IQSEC1: variants seen among roughly 807,000 people sequenced by gnomAD.
IQSEC1 encodes IQ motif and SEC7 domain-containing protein 1.
Under a neutral mutation model 91.0 loss-of-function variants are expected in IQSEC1, and 31 were observed. That is an observed-to-expected ratio of 0.34 (90% CI 0.26 to 0.46). IQSEC1 has a LOEUF of 0.46. Ranked by LOEUF, IQSEC1 falls within the 20% of genes least tolerant of loss-of-function variation. The probability of loss-of-function intolerance (pLI) is 1.00; values close to 1 mark genes in which losing one functional copy is unlikely to be tolerated. For missense variants in IQSEC1, 1,388 were observed against 1,575.6 expected (o/e 0.88, Z 2.02); for synonymous variants, 699 against 662.6 (o/e 1.05, Z -0.84).
intron 1 of IQSEC1, among the ~76,000 whole-genome samples, chr3:13,044,594 G>A (rs1003974071): frequency 1.3e-5 from 2 of 152,234 alleles, no homozygotes; most frequent in African/African-American, 2.4e-5. Context: ...CTGGGGGCAG[G>A]CAGGGGAGAG....
chr3:13,170,130 AGGGAC>A, intron 1 of IQSEC1, among the ~76,000 whole-genome samples: 1 of 152,316 alleles, frequency 6.6e-6, no homozygotes, highest in East Asian at 1.9e-4. Context: ...TGTGCAGCCT[AGGGAC>A]TTGGTGCTCT....
At position 12,936,335 on chromosome 3, in the gene IQSEC1, G is replaced by A. The variant is rs536582340; in HGVS notation, c.681C>T (p.Asp227=). ...GTGATTTCACTTGCCTAGAGAAGGCGTCCTCCAGCTCGGTGATGGCGTCCG... is the reference window on the plus strand; with the variant it reads ...GTGATTTCACTTGCCTAGAGAAGGCATCCTCCAGCTCGGTGATGGCGTCCG... ...DFADAITELE[D]AFSRQVKSLA... The change falls in exon 3 of 14, where the codon GAC becomes GAT. Residue 227 remains aspartate (D), a synonymous_variant. Coordinates refer to ENST00000613206, the MANE Select transcript of IQSEC1 (RefSeq NM_001134382.3). The A allele has an allele frequency of 2.2e-5, 36 of 1,609,456 alleles. No homozygotes were observed. The South Asian group carries it at 2.7e-4, about 12-fold the overall frequency.
Position 13,139,826 on chromosome 3 carries a change from T to C in IQSEC1, c.302+24278A>G, listed in dbSNP as rs369008470. Among the ~76,000 whole-genome samples the C allele has an allele frequency of 4.5e-4, 68 of 152,294 alleles. No homozygotes were observed. In the East Asian group the frequency reaches 5.8e-3, roughly 13 times the overall value. ...TCTGCCTACAATGCACCTGGGGCCATGTGGGCCAGATTAGAGTGTGCCATG... is the reference window on the plus strand; with the variant it reads ...TCTGCCTACAATGCACCTGGGGCCACGTGGGCCAGATTAGAGTGTGCCATG... On this transcript the variant is annotated intron_variant, in intron 2 of 15. Transcript: ENST00000648114.
rs1246827412 is a variant in IQSEC1 at position 13,211,651 on chromosome 3, GC to G, written c.273-47519del. On this transcript the variant is annotated intron_variant, in intron 1 of 15. Transcript: ENST00000648114. The surrounding 1 kb of genome is among the most constrained non-coding windows in gnomAD (Gnocchi z 5.3). ...TGATCCCCTCAGCCTATCCCTGAAG[GC>G]CAGGCCAGGACCCACGAACTGGCAC... Among the ~76,000 whole-genome samples the G allele has an allele frequency of 6.6e-6, 1 of 152,094 alleles. No homozygotes were observed. Among genetic ancestry groups the G allele is most frequent in the Non-Finnish European group, 1.5e-5 (1 of 68,012 alleles).
At chr3:13,003,586 G>A (rs992443887) in intron 1 of IQSEC1, among the ~76,000 whole-genome samples, 1 of 152,266 alleles carries the variant, frequency 6.6e-6, no homozygotes, top group African/African-American at 2.4e-5. Context: ...AATAATAACC[G>A]AATTGTACAC....
At chr3:12,972,085 ATTT>A (rs34042187) in intron 1 of IQSEC1, among the ~76,000 whole-genome samples, 3 of 145,386 alleles carry the variant, frequency 2.1e-5, no homozygotes, top group African/African-American at 2.5e-5. Flanking sequence ...AACCAATGCA[ATTT>A]TTTTTTTTTT....
chr3:12,905,573 C>G (rs1375849723), intron 12 of IQSEC1, among the ~76,000 whole-genome samples: 1 of 152,270 alleles, frequency 6.6e-6, no homozygotes, highest in Non-Finnish European at 1.5e-5. Context: ...CTCAGGCTGT[C>G]TGATTCTGGC....
chr3:13,081,938 G>A (rs1419609396), intron 2 of IQSEC1, among the ~76,000 whole-genome samples: 1 of 152,240 alleles, frequency 6.6e-6, no homozygotes, highest in Non-Finnish European at 1.5e-5. Context: ...ACAGGTGCTC[G>A]ACAAAGGCGA....
intron 1 of IQSEC1, among the ~76,000 whole-genome samples, chr3:13,228,045 C>T (rs187769665): frequency 6.6e-6 from 1 of 152,098 alleles, no homozygotes; most frequent in African/African-American, 2.4e-5. Flanking sequence ...GCTGTCTATG[C>T]GCCTCCTGCT....
intron 12 of IQSEC1, among the ~76,000 whole-genome samples, chr3:12,906,491 C>G (rs1014913676): frequency 6.6e-6 from 1 of 152,248 alleles, no homozygotes; most frequent in Non-Finnish European, 1.5e-5. Flanking sequence ...TCAAACCCCA[C>G]CTCGCTTCAC....
chr3:13,020,865 G>C (rs1387054026), intron 1 of IQSEC1, among the ~76,000 whole-genome samples: 1 of 151,876 alleles, frequency 6.6e-6, no homozygotes, highest in Non-Finnish European at 1.5e-5. Flanking sequence ...TTTTGTTGCA[G>C]GTATTTTCTG....
In IQSEC1 at chr3:13,276,454, A is replaced by G. The variant is rs959621364; in HGVS notation, c.272+6257T>C. ...GAGCCACCACCTAATGCGGGGCCACAGGCAACTCCTGTATCTGCTCTCCCT... is the reference window on the plus strand; with the variant it reads ...GAGCCACCACCTAATGCGGGGCCACGGGCAACTCCTGTATCTGCTCTCCCT... On this transcript the variant is annotated intron_variant, in intron 1 of 15. Transcript: ENST00000648114. Among the ~76,000 whole-genome samples, 12 of 152,312 alleles carry G rather than the reference A, an allele frequency of 7.9e-5. 1 individual carries two copies. In the South Asian group the frequency reaches 2.5e-3, roughly 32 times the overall value.
chr3:12,916,880 T>C (rs1004198096), intron 6 of IQSEC1, among the ~76,000 whole-genome samples: 1 of 152,002 alleles, frequency 6.6e-6, no homozygotes, highest in Non-Finnish European at 1.5e-5. Flanking sequence ...ATTTAGTAAG[T>C]GGGAAAAGCA....
intron 1 of IQSEC1, among the ~76,000 whole-genome samples, chr3:13,043,976 C>T (rs1222029827): frequency 6.6e-6 from 1 of 152,220 alleles, no homozygotes; most frequent in African/African-American, 2.4e-5. Flanking sequence ...GGAGCTGCTG[C>T]TCAGGGGGGT....
At chr3:13,254,888 C>G (rs1192284781) in intron 1 of IQSEC1, among the ~76,000 whole-genome samples, 1 of 152,182 alleles carries the variant, frequency 6.6e-6, no homozygotes, top group Non-Finnish European at 1.5e-5. Flanking sequence ...CCACCTGCGA[C>G]CCGGGGCCTC....
intron 1 of IQSEC1, chr3:12,986,883 C>A: frequency 3.5e-6 from 1 of 288,258 alleles, no homozygotes; most frequent in South Asian, 2.5e-5. Flanking sequence ...CCCCAACAGA[C>A]CAAGATAGAA....
intron 1 of IQSEC1, among the ~76,000 whole-genome samples, chr3:13,190,675 A>T (rs747519361): frequency 7.2e-5 from 11 of 152,194 alleles, no homozygotes; most frequent in Non-Finnish European, 1.6e-4. Flanking sequence ...CATTCATGCC[A>T]TTGTTGTTTT....
At chr3:13,034,207 C>T (rs1026972108) in intron 1 of IQSEC1, among the ~76,000 whole-genome samples, 5 of 152,182 alleles carry the variant, frequency 3.3e-5, no homozygotes, top group Non-Finnish European at 7.3e-5. Context: ...GCGTCTCCCC[C>T]CAGAGTCAAC....
rs773037348 is a variant in IQSEC1, at chr3:12,902,835, T to C, written c.2756-13A>G. On this transcript the variant is annotated splice_polypyrimidine_tract_variant and intron_variant, in intron 12 of 13. Coordinates refer to ENST00000613206, the MANE Select transcript of IQSEC1 (RefSeq NM_001134382.3). The stretch of plus-strand genomic sequence containing the variant: ...CGCCCTCGCTTCCCTGCCCAGAACA[T>C]GCAATACCAGAAGTTAGACGCGGAC... 9.9e-6 allele frequency: 16 copies of C among 1,608,888 alleles called. No homozygotes were observed. In the East Asian group the frequency reaches 2.7e-4, roughly 27 times the overall value.
Sources: gnomAD v4.1 joint callset for allele counts (sites outside exome capture counted in the v4.1 genomes callset) on GRCh38, gnomAD v4.1.1 for gene constraint, Gnocchi (gnomAD v3.1) non-coding constraint, MANE v1.5 for transcripts, NCBI Gene and HGNC (gene_info 2026-07-23, HGNC 2026-07-21) for gene names.